RCOR3: variants seen among roughly 807,000 people sequenced by gnomAD.
RCOR3 encodes REST corepressor 3.
RCOR3 carries 13 observed loss-of-function variants against 64.1 expected under a neutral mutation model. The ratio of observed to expected loss-of-function variants is 0.20; its 90% CI spans 0.13 to 0.32. The LOEUF is 0.32. Ranked by LOEUF, RCOR3 falls within the 10% of genes least tolerant of loss-of-function variation. The probability of loss-of-function intolerance (pLI) is 1.00; values close to 1 mark genes in which losing one functional copy is unlikely to be tolerated. For synonymous variants in RCOR3, 215 were observed against 239.0 expected (o/e 0.90, Z 0.93); for missense variants, 489 against 701.2 (o/e 0.70, Z 3.42).
rs903009774 is a variant in RCOR3 at position 211,315,395 on chromosome 1, A to G, written c.*1627A>G. On this transcript the variant is annotated 3_prime_UTR_variant, in exon 12 of 12. Transcript: ENST00000419091. ...TTTTAGACTGTGTATTTCCATAAATACCCTACGTACTGGCATATTTGAAAC... is the reference window on the plus strand; with the variant it reads ...TTTTAGACTGTGTATTTCCATAAATGCCCTACGTACTGGCATATTTGAAAC... The G allele has an allele frequency of 2.0e-5, 3 of 152,176 alleles. No individual in the cohort carries two copies. Among genetic ancestry groups the G allele is most frequent in the African/African-American group, 7.2e-5 (3 of 41,446 alleles). 9.4% of individuals were successfully genotyped at this position (152,176 alleles called of 1,614,324 possible).
At chr1:211,287,653 A>G (rs978061685) in intron 7 of RCOR3, among the ~76,000 whole-genome samples, 3 of 152,126 alleles carry the variant, frequency 2.0e-5, no homozygotes, top group African/African-American at 7.2e-5. Context: ...TAGCCGAGGC[A>G]GTGGATCACC....
At chr1:211,269,719 G>A (rs967676596) in intron 2 of RCOR3, among the ~76,000 whole-genome samples, 4 of 152,138 alleles carry the variant, frequency 2.6e-5, no homozygotes, top group Admixed American at 6.6e-5. Context: ...CTACAGGCAC[G>A]TAACTTGGCT....
intron 9 of RCOR3, among the ~76,000 whole-genome samples, chr1:211,295,982 C>A (rs554548419): frequency 4.7e-4 from 72 of 152,118 alleles, no homozygotes; most frequent in African/African-American, 1.7e-3. Flanking sequence ...TCATAGCAAG[C>A]CAACAATTAG....
intron 10 of RCOR3, among the ~76,000 whole-genome samples, chr1:211,309,401 C>T (rs1359855988): frequency 6.6e-6 from 1 of 152,120 alleles, no homozygotes; most frequent in African/African-American, 2.4e-5. Context: ...ACAGAATATC[C>T]TAATGACTTA....
At chr1:211,294,264 G>A (rs1699593314) in intron 8 of RCOR3, among the ~76,000 whole-genome samples, 2 of 152,112 alleles carry the variant, frequency 1.3e-5, no homozygotes, top group Admixed American at 6.6e-5. Flanking sequence ...TACATATATG[G>A]TGTTAAAACT....
At chr1:211,311,918 G>C (rs1009981653) in intron 10 of RCOR3, among the ~76,000 whole-genome samples, 13 of 151,958 alleles carry the variant, frequency 8.6e-5, no homozygotes, top group African/African-American at 3.1e-4. Context: ...AACTTCCTTA[G>C]TGTAAAGTTA....
chr1:211,302,517 A>G (rs1199204529), intron 9 of RCOR3: 16 of 152,242 alleles, frequency 1.1e-4, no homozygotes. Context: ...GTAAATTTCA[A>G]AGCCAAAGGA....
chr1:211,313,822 C>A lies in RCOR3; in HGVS notation c.*54C>A. ...TTTTCACCCCATCATTATACCAGTG[C>A]TCATCTGACTGATGAAAAAGAGGAA... On this transcript the variant is annotated 3_prime_UTR_variant, in exon 12 of 12. Coordinates refer to ENST00000419091, the MANE Select transcript of RCOR3 (RefSeq NM_001136223.3). The surrounding 1 kb of genome is among the most constrained non-coding windows in gnomAD (Gnocchi z 4.7). 2 of 1,408,318 alleles carry A rather than the reference C, an allele frequency of 1.4e-6. No homozygotes were observed. Among genetic ancestry groups the A allele is most frequent in the Non-Finnish European group, 2.0e-6 (2 of 1,011,596 alleles). 87.2% of individuals were successfully genotyped at this position (1,408,318 alleles called of 1,614,324 possible).
intron 2 of RCOR3, among the ~76,000 whole-genome samples, chr1:211,265,545 C>G (rs6697217): frequency 0.028 from 4,223 of 152,170 alleles, 203 homozygotes; most frequent in African/African-American, 0.095. Flanking sequence ...TGGCAAAACC[C>G]CATCTCTACT....
intron 10 of RCOR3, among the ~76,000 whole-genome samples, chr1:211,308,745 T>C (rs1351499463): frequency 1.0e-5 from 1 of 98,932 alleles, no homozygotes; most frequent in African/African-American, 2.9e-5. Context: ...AGAGTCTCAC[T>C]TTGTCACCAA....
chr1:211,311,808 T>C (rs2102680852), intron 10 of RCOR3, among the ~76,000 whole-genome samples: 1 of 152,308 alleles, frequency 6.6e-6, no homozygotes, highest in East Asian at 1.9e-4. Flanking sequence ...TGAACTTCTT[T>C]TAGAATTCCC....
chr1:211,307,778 A>C (rs920652083), intron 10 of RCOR3, among the ~76,000 whole-genome samples: 2 of 151,780 alleles, frequency 1.3e-5, no homozygotes, highest in Non-Finnish European at 2.9e-5. Flanking sequence ...TTTAGGATAA[A>C]CAAAATTTTT....
rs1572031442 is a variant in RCOR3 at position 211,313,254 on chromosome 1, GGTTTT to G, written c.1318-160_1318-156del. 1 of 1,428,722 alleles carries G rather than the reference GGTTTT, an allele frequency of 7.0e-7. No homozygotes were observed. Among genetic ancestry groups the G allele is most frequent in the African/African-American group, 1.4e-5 (1 of 69,624 alleles). 88.5% of individuals were successfully genotyped at this position (1,428,722 alleles called of 1,614,324 possible). On this transcript the variant is annotated intron_variant, in intron 11 of 11. Transcript: ENST00000419091. The surrounding 1 kb of genome is among the most constrained non-coding windows in gnomAD (Gnocchi z 4.7). Reference sequence around the variant, plus strand: ...GTAGCCTCATTGGTTTTTGGTTTTTGGTTTTGTTTTGTTTAAAATAAAAGAAGCTT... The same window carrying G: ...GTAGCCTCATTGGTTTTTGGTTTTTGGTTTTGTTTAAAATAAAAGAAGCTT...
intron 2 of RCOR3, among the ~76,000 whole-genome samples, chr1:211,268,803 T>A (rs1409113778): frequency 6.6e-6 from 1 of 152,218 alleles, no homozygotes; most frequent in East Asian, 1.9e-4. Flanking sequence ...GGCTTTCGAA[T>A]ACTTTGGTAG....
intron 2 of RCOR3, among the ~76,000 whole-genome samples, chr1:211,265,373 A>G (rs1369511143): frequency 1.3e-5 from 2 of 152,188 alleles, no homozygotes; most frequent in Non-Finnish European, 2.9e-5. Context: ...AGTCATTTCC[A>G]TGCATTTTCT....
chr1:211,289,146 A>G (rs749436420), intron 7 of RCOR3, 32 bp from the exon 8 acceptor site: 4 of 1,534,748 alleles, frequency 2.6e-6, no homozygotes, highest in Non-Finnish European at 3.6e-6. Flanking sequence ...GTGAAAACCA[A>G]GTGACCTGTT....
intron 10 of RCOR3, among the ~76,000 whole-genome samples, chr1:211,310,114 C>T (rs1701331849): frequency 6.6e-6 from 1 of 152,174 alleles, no homozygotes; most frequent in South Asian, 2.1e-4. Context: ...TTCCTGTGTA[C>T]TCAGCATTGT....
In RCOR3 at chr1:211,279,248, G is replaced by A. The variant is rs1430017670; in HGVS notation, c.652G>A (p.Val218Ile). 20 of 1,602,616 alleles carry A rather than the reference G, an allele frequency of 1.2e-5. No individual in the cohort carries two copies. Among genetic ancestry groups the A allele is most frequent in the Non-Finnish European group, 1.6e-5 (19 of 1,173,322 alleles). ...RHNQGDSDDD[V>I]EETHPMDGND... ...TTTGTTTCTTCTCAGTGATGATGAT[G>A]TAGAAGAAACACATCCAATGGATGG... Residue 218 changes from valine (V) to isoleucine (I), a missense_variant, in exon 7 of 12, where the codon GTA (valine) becomes ATA (isoleucine). Val to Ile is a conservative substitution (Grantham distance 29, BLOSUM62 3). Around this residue, in one of 2 missense-constraint regions of RCOR3, gnomAD observed 402 missense variants for 617.0 expected, o/e 0.65. Transcript: ENST00000419091.
At chr1:211,274,093 CT>C (rs5780634) in intron 3 of RCOR3, 116 bp from the exon 4 acceptor site, 532,846 of 555,982 alleles carry the variant, frequency 0.96, 255,469 homozygotes, top group East Asian at 0.99. Context: ...GTGCCTTTGG[CT>C]TTTTTTTTTA....
Sources: allele counts gnomAD v4.1 joint callset (sites outside exome capture counted in the v4.1 genomes callset), GRCh38; gene constraint gnomAD v4.1.1; regional missense constraint gnomAD v4.1.1; non-coding constraint Gnocchi (gnomAD v3.1); transcripts MANE v1.5; gene names NCBI Gene and HGNC (gene_info 2026-07-23, HGNC 2026-07-21).